SORCS3: variants seen among roughly 807,000 people sequenced by gnomAD.
SORCS3 encodes sortilin related VPS10 domain containing receptor 3.
In SORCS3, 57 loss-of-function variants were observed where a neutral mutation model predicts 146.3. That is an observed-to-expected ratio of 0.39 (90% CI 0.31 to 0.49). The LOEUF is 0.49. Among genes scored for constraint, SORCS3 ranks in the 20% least tolerant of loss-of-function variants. The probability of loss-of-function intolerance (pLI) is 0.92; values close to 1 mark genes in which losing one functional copy is unlikely to be tolerated. For missense variants in SORCS3, 1,341 were observed against 1,575.5 expected (o/e 0.85, Z 2.52); for synonymous variants, 653 against 618.5 (o/e 1.06, Z -0.83).
At chr10:104,839,496 C>G (rs934373344) in intron 1 of SORCS3, among the ~76,000 whole-genome samples, 8 of 152,234 alleles carry the variant, frequency 5.3e-5, no homozygotes, top group African/African-American at 1.7e-4. Context: ...CCTTGAAAAA[C>G]TTAGATTGTT....
chr10:105,232,079 C>T (rs1441828065), intron 20 of SORCS3, among the ~76,000 whole-genome samples: 1 of 151,806 alleles, frequency 6.6e-6, no homozygotes, highest in Non-Finnish European at 1.5e-5. Context: ...ATATTTTATC[C>T]TCTTCTATTT....
At chr10:104,645,993 G>A (rs1589445516) in intron 1 of SORCS3, among the ~76,000 whole-genome samples, 1 of 152,176 alleles carries the variant, frequency 6.6e-6, no homozygotes, top group Admixed American at 6.5e-5. Flanking sequence ...GCTTGCCACA[G>A]AAGCCATTCT....
chr10:105,004,065 G>A (rs1439147753), intron 4 of SORCS3, among the ~76,000 whole-genome samples: 1 of 148,002 alleles, frequency 6.8e-6, no homozygotes, highest in Non-Finnish European at 1.5e-5. Flanking sequence ...AGTTTCTCAG[G>A]TGTGATAAAA....
intron 5 of SORCS3, among the ~76,000 whole-genome samples, chr10:105,078,780 C>T (rs2055605268): frequency 6.6e-6 from 1 of 152,154 alleles, no homozygotes; most frequent in Non-Finnish European, 1.5e-5. Context: ...ATTACCTCCC[C>T]ATTGTGCCGA....
At chr10:104,837,282 T>A (rs1232265486) in intron 1 of SORCS3, among the ~76,000 whole-genome samples, 1 of 152,186 alleles carries the variant, frequency 6.6e-6, no homozygotes, top group Non-Finnish European at 1.5e-5. Context: ...CTATAAGAGA[T>A]GTATGAACAG....
chr10:104,906,534 G>T (rs1438879950), intron 2 of SORCS3, among the ~76,000 whole-genome samples: 1 of 152,186 alleles, frequency 6.6e-6, no homozygotes, highest in Admixed American at 6.5e-5. Context: ...CCCTCTGATA[G>T]TAGGGCTATA....
intron 1 of SORCS3, among the ~76,000 whole-genome samples, chr10:104,693,478 A>G (rs1009162360): frequency 6.6e-6 from 1 of 152,144 alleles, no homozygotes; most frequent in Admixed American, 6.5e-5. Context: ...GAAAAACCCA[A>G]CCAATATACT....
chr10:105,081,951 T>A (rs1589623187), intron 5 of SORCS3, among the ~76,000 whole-genome samples: 1 of 151,984 alleles, frequency 6.6e-6, no homozygotes, highest in East Asian at 2.0e-4. Context: ...AGACAGTTTG[T>A]CTTTGAGATG....
intron 13 of SORCS3, among the ~76,000 whole-genome samples, chr10:105,172,273 A>T (rs574631546): frequency 2.0e-5 from 3 of 152,254 alleles, no homozygotes; most frequent in African/African-American, 7.2e-5. Flanking sequence ...GACAGATTTT[A>T]TTCATTTGTT....
rs2055806684 is a variant in SORCS3 at position 105,104,334 on chromosome 10, G to A, written c.1094-1063G>A. Reference sequence around the variant, plus strand: ...TTTTTTAAAGCAAATTTTTTTGGTGGATTCTTCACAGAGACTCACCTGTAG... The same window carrying A: ...TTTTTTAAAGCAAATTTTTTTGGTGAATTCTTCACAGAGACTCACCTGTAG... On this transcript the variant is annotated intron_variant, in intron 6 of 26. Transcript: ENST00000369701. Among the ~76,000 whole-genome samples the A allele has an allele frequency of 2.0e-5, 3 of 151,904 alleles. No individual in the cohort carries two copies. The South Asian group carries it at 6.2e-4, about 32-fold the overall frequency.
chr10:105,251,924 A>T (rs2056901421), intron 22 of SORCS3, among the ~76,000 whole-genome samples: 1 of 152,196 alleles, frequency 6.6e-6, no homozygotes, highest in South Asian at 2.1e-4. Flanking sequence ...GTAACCAAAG[A>T]AATGTAAGGA....
At chr10:104,961,517 T>C (rs1177201901) in intron 3 of SORCS3, among the ~76,000 whole-genome samples, 1 of 152,194 alleles carries the variant, frequency 6.6e-6, no homozygotes, top group Non-Finnish European at 1.5e-5. Flanking sequence ...TATACTTCTC[T>C]CCTGGTGTTA....
chr10:104,687,483 G>A (rs990662067), intron 1 of SORCS3, among the ~76,000 whole-genome samples: 2 of 152,122 alleles, frequency 1.3e-5, no homozygotes, highest in African/African-American at 4.8e-5. Flanking sequence ...CCTAGGAGAG[G>A]CCACCCCAAA....
intron 14 of SORCS3, among the ~76,000 whole-genome samples, chr10:105,197,376 TTTTG>T (rs2056549759): frequency 6.6e-6 from 1 of 152,200 alleles, no homozygotes; most frequent in Non-Finnish European, 1.5e-5. Context: ...TTAAGCACCT[TTTTG>T]TTTGTTTAAA....
intron 1 of SORCS3, among the ~76,000 whole-genome samples, chr10:104,735,477 T>TTTTTTTTTTTTTTA (rs1564671258): frequency 7.0e-6 from 1 of 141,878 alleles, no homozygotes; most frequent in Non-Finnish European, 1.5e-5. Flanking sequence ...TTTTTTTTTT[T>TTTTTTTTTTTTTTA]AATCAATCCC....
At chr10:104,810,827 GTTTA>G (rs1311448060) in intron 1 of SORCS3, among the ~76,000 whole-genome samples, 2 of 152,096 alleles carry the variant, frequency 1.3e-5, no homozygotes, top group Non-Finnish European at 2.9e-5. Flanking sequence ...GCAAATATTT[GTTTA>G]TTTATTGTTT....
chr10:104,992,821 T>A (rs1424005339), intron 4 of SORCS3, among the ~76,000 whole-genome samples: 1 of 152,168 alleles, frequency 6.6e-6, no homozygotes. Flanking sequence ...CTAGACAGAC[T>A]TTACCTATGA....
intron 1 of SORCS3, among the ~76,000 whole-genome samples, chr10:104,741,249 G>GCACAAGCCACCAGGGACA (rs1244147469): frequency 6.6e-6 from 1 of 150,632 alleles, no homozygotes; most frequent in Non-Finnish European, 1.5e-5. Flanking sequence ...GGGATTATAG[G>GCACAAGCCACCAGGGACA]CACAAGCCAC....
chr10:105,185,851 A>G (rs1482215721), intron 14 of SORCS3, among the ~76,000 whole-genome samples: 1 of 152,218 alleles, frequency 6.6e-6, no homozygotes, highest in African/African-American at 2.4e-5. Context: ...ATAGAAATAT[A>G]TGTGGTATCA....
Sources: allele counts gnomAD v4.1 joint callset (sites outside exome capture counted in the v4.1 genomes callset), GRCh38; gene constraint gnomAD v4.1.1; transcripts MANE v1.5; gene names NCBI Gene and HGNC (gene_info 2026-07-23, HGNC 2026-07-21).